MAD1L1: variants seen among roughly 807,000 people sequenced by gnomAD.
The protein encoded by MAD1L1 is mitotic spindle assembly checkpoint protein MAD1.
In MAD1L1, 95 loss-of-function variants were observed where a neutral mutation model predicts 96.9. The ratio of observed to expected loss-of-function variants is 0.98; its 90% CI spans 0.83 to 1.16. MAD1L1 has a LOEUF of 1.16. Among genes scored for constraint, MAD1L1 ranks in the 50% most tolerant of loss-of-function variants. The pLI is 0.00. For synonymous variants in MAD1L1, 473 were observed against 396.6 expected (o/e 1.19, Z -2.29); for missense variants, 1,007 against 954.4 (o/e 1.06, Z -0.73).
intron 11 of MAD1L1, among the ~76,000 whole-genome samples, chr7:2,140,605 T>C (rs2128574187): frequency 6.6e-6 from 1 of 152,350 alleles, no homozygotes; most frequent in Admixed American, 6.5e-5. Context: ...TGGATGTGGG[T>C]GGGAGCCGGC....
At chr7:1,965,654 A>T (rs1010818994) in intron 15 of MAD1L1, among the ~76,000 whole-genome samples, 7 of 152,254 alleles carry the variant, frequency 4.6e-5, no homozygotes, top group African/African-American at 1.7e-4. Flanking sequence ...CTCTTCGCAC[A>T]CTACCACGGG....
intron 16 of MAD1L1, among the ~76,000 whole-genome samples, chr7:1,941,827 G>A (rs919814925): frequency 2.6e-5 from 4 of 152,192 alleles, no homozygotes; most frequent in Admixed American, 6.5e-5. Context: ...ATAACTGGTG[G>A]CGTGGAGAAC....
At chr7:1,859,291 T>A (rs775736075) in intron 18 of MAD1L1, among the ~76,000 whole-genome samples, 3 of 152,200 alleles carry the variant, frequency 2.0e-5, no homozygotes, top group Non-Finnish European at 4.4e-5. Context: ...CAGGCCACAG[T>A]GGCAACGACA....
chr7:2,231,070 C>T (rs1404425164), intron 1 of MAD1L1, among the ~76,000 whole-genome samples: 4 of 152,084 alleles, frequency 2.6e-5, no homozygotes, highest in African/African-American at 4.8e-5. Context: ...CCCAGCACTT[C>T]GGGAGGCGGA....
intron 14 of MAD1L1, among the ~76,000 whole-genome samples, chr7:1,981,201 G>T (rs933478310): frequency 6.6e-6 from 1 of 152,118 alleles, no homozygotes; most frequent in Admixed American, 6.5e-5. Context: ...TCCTGACCTC[G>T]GGTGATTCAC....
intron 10 of MAD1L1, among the ~76,000 whole-genome samples, chr7:2,198,630 C>A (rs144706986): frequency 6.6e-6 from 1 of 152,342 alleles, no homozygotes; most frequent in East Asian, 1.9e-4. Flanking sequence ...ACACTTCAGG[C>A]CCCCTCTCCA....
At chr7:1,862,768 T>C (rs1032394779) in intron 18 of MAD1L1, among the ~76,000 whole-genome samples, 1 of 151,896 alleles carries the variant, frequency 6.6e-6, no homozygotes, top group South Asian at 2.1e-4. Flanking sequence ...TGCTGTAAAA[T>C]GAAAAAAAAC....
At chr7:1,839,257 G>T (rs1035512818) in intron 18 of MAD1L1, among the ~76,000 whole-genome samples, 7 of 152,132 alleles carry the variant, frequency 4.6e-5, no homozygotes, top group Non-Finnish European at 1.0e-4. Flanking sequence ...GGTCGAGGTG[G>T]TGGTCACCGT....
At chr7:1,839,295 G>C (rs932916241) in intron 18 of MAD1L1, among the ~76,000 whole-genome samples, 16 of 151,648 alleles carry the variant, frequency 1.1e-4, no homozygotes, top group Non-Finnish European at 1.5e-4. Context: ...CAGACACTCG[G>C]GGTCCCAGGG....
intron 12 of MAD1L1, among the ~76,000 whole-genome samples, chr7:2,055,497 C>G (rs979907412): frequency 1.3e-5 from 2 of 152,016 alleles, no homozygotes; most frequent in Non-Finnish European, 2.9e-5. Context: ...CAGATTTCCA[C>G]GATCTCTACA....
chr7:1,898,340 C>G lies in MAD1L1; in HGVS notation c.1858G>C (p.Glu620Gln). ...TCCTGGATCTTGGTCTGGAAAACCTCCTTGAGCCGCTGGTTCTTCAGCTCG... is the reference window on the plus strand; with the variant it reads ...TCCTGGATCTTGGTCTGGAAAACCTGCTTGAGCCGCTGGTTCTTCAGCTCG... ...SAELKNQRLK[E>Q]VFQTKIQEFR... The change falls in exon 18 of 19, where the codon GAG becomes CAG. Residue 620 changes from glutamate to glutamine, a missense_variant. Coordinates refer to ENST00000265854, the MANE Select transcript of MAD1L1 (RefSeq NM_001013836.2). The G allele has an allele frequency of 6.2e-7, 1 of 1,614,068 alleles. No individual in the cohort carries two copies.
intron 18 of MAD1L1, among the ~76,000 whole-genome samples, chr7:1,887,656 TG>T (rs1293181403): frequency 7.5e-6 from 1 of 134,150 alleles, no homozygotes; most frequent in Non-Finnish European, 1.7e-5. Context: ...TGTGGGTGCC[TG>T]TGCATGTGTG....
chr7:1,955,385 G>C (rs1779681539), intron 16 of MAD1L1, among the ~76,000 whole-genome samples: 1 of 152,174 alleles, frequency 6.6e-6, no homozygotes, highest in Non-Finnish European at 1.5e-5. Context: ...CTGCCTCCTG[G>C]GTTCAAGCGA....
intron 12 of MAD1L1, among the ~76,000 whole-genome samples, chr7:2,050,714 G>T (rs769717274): frequency 1.3e-5 from 2 of 152,136 alleles, no homozygotes; most frequent in Admixed American, 6.5e-5. Flanking sequence ...CAGAGGCTGC[G>T]GAGGGAGCAG....
At position 2,206,107 on chromosome 7, in the gene MAD1L1, G is replaced by A. The variant is rs1006124208; in HGVS notation, c.986+7105C>T. 1.7e-3 allele frequency among the ~76,000 whole-genome samples: 256 copies of A among 152,274 alleles called. 1 individual carries two copies. The highest frequency in any genetic ancestry group is 5.8e-3 in the African/African-American group (241 of 41,554). On this transcript the variant is annotated intron_variant, in intron 10 of 18. Transcript: ENST00000265854. ...AGATCATGCCACTATACTCCAGCCT[G>A]GGCGACAGAGCAAGATTCCATCTCC...
chr7:2,229,960 C>G, intron 3 of MAD1L1, 24 bp downstream of exon 3: 1 of 1,610,728 alleles, frequency 6.2e-7, no homozygotes, highest in Non-Finnish European at 8.5e-7. Context: ...AGAGCAGACT[C>G]CCACCCAGGC....
intron 10 of MAD1L1, among the ~76,000 whole-genome samples, chr7:2,157,034 T>G (rs2128585664): frequency 6.6e-6 from 1 of 152,100 alleles, no homozygotes; most frequent in Non-Finnish European, 1.5e-5. Flanking sequence ...GTTACAGAAT[T>G]TGGTCCAAGT....
At chr7:2,085,628 G>A (rs1785877771) in intron 11 of MAD1L1, among the ~76,000 whole-genome samples, 1 of 152,110 alleles carries the variant, frequency 6.6e-6, no homozygotes, top group Non-Finnish European at 1.5e-5. Flanking sequence ...ATGTCTTCAA[G>A]GCCAGTCCCT....
In MAD1L1 at chr7:1,816,006, G is replaced by A. The variant is rs990729121; in HGVS notation, c.*64C>T. On this transcript the variant is annotated 3_prime_UTR_variant, in exon 19 of 19. Coordinates refer to ENST00000265854, the MANE Select transcript of MAD1L1 (RefSeq NM_001013836.2). ...GACGTGCACCCAGCCTGTGGCTGGC[G>A]GGGCAGGGGACCTGCAGGTCAGGCC... is the stretch of plus-strand genomic sequence containing the variant. 9.1e-5 allele frequency: 136 copies of A among 1,500,370 alleles called. 1 individual carries two copies. Among genetic ancestry groups the A allele is most frequent in the South Asian group, 4.2e-4 (33 of 77,920 alleles). 92.9% of individuals were successfully genotyped at this position (1,500,370 alleles called of 1,614,324 possible). A position where few individuals can be genotyped will look rare whatever the true frequency, so the allele number is the denominator to read the frequency against.
Sources: allele counts gnomAD v4.1 joint callset (sites outside exome capture counted in the v4.1 genomes callset), GRCh38; gene constraint gnomAD v4.1.1; transcripts MANE v1.5; gene names NCBI Gene and HGNC (gene_info 2026-07-23, HGNC 2026-07-21).